The following TBL1XR1 variants were observed in gnomAD, a reference collection of about 807,000 sequenced individuals.
TBL1XR1 encodes the protein TBL1X/Y related 1.
TBL1XR1 carries 5 observed loss-of-function variants against 66.9 expected under a neutral mutation model. The ratio of observed to expected loss-of-function variants is 0.07; its 90% CI spans 0.04 to 0.16. TBL1XR1 has a LOEUF of 0.16. Ranked by LOEUF, TBL1XR1 falls within the 10% of genes least tolerant of loss-of-function variation. TBL1XR1 has a pLI of 1.00. For synonymous variants in TBL1XR1, 210 were observed against 206.0 expected, an observed-to-expected ratio of 1.02 and a Z score of -0.17; for missense variants, 238 against 623.2, an observed-to-expected ratio of 0.38 and a Z score of 6.58.
At chr3:177,091,893 T>A (rs934922724) in intron 2 of TBL1XR1, among the ~76,000 whole-genome samples, 1 of 152,132 alleles carries the variant, frequency 6.6e-6, no homozygotes, top group Non-Finnish European at 1.5e-5. Context: ...ATGTTACACA[T>A]AATAAAAGCT....
chr3:177,031,390 C>A (rs61539434), intron 14 of TBL1XR1, among the ~76,000 whole-genome samples: 150,779 of 150,780 alleles, frequency 1, 75,389 homozygotes, highest in Non-Finnish European at 1. Context: ...GCTGGAGTGC[C>A]GTGGTGTGAT....
intron 2 of TBL1XR1, among the ~76,000 whole-genome samples, chr3:177,081,820 T>C (rs1721436039): frequency 6.6e-6 from 1 of 152,008 alleles, no homozygotes; most frequent in South Asian, 2.1e-4. Context: ...GTATTGTCTT[T>C]AGTCAGTATA....
chr3:177,052,153 A>G (rs1443556144), intron 4 of TBL1XR1, among the ~76,000 whole-genome samples: 1 of 152,244 alleles, frequency 6.6e-6, no homozygotes, highest in Non-Finnish European at 1.5e-5. Context: ...TTTGAGCTGA[A>G]GAGTTTCTTG....
chr3:177,188,247 TA>T (rs530867679), intron 1 of TBL1XR1, among the ~76,000 whole-genome samples: 89 of 151,366 alleles, frequency 5.9e-4, no homozygotes, highest in South Asian at 5.6e-3. Flanking sequence ...TACAATTTCA[TA>T]TAAAAAAGAA....
At chr3:177,178,043 T>G (rs1247331780) in intron 1 of TBL1XR1, among the ~76,000 whole-genome samples, 1 of 152,174 alleles carries the variant, frequency 6.6e-6, no homozygotes, top group African/African-American at 2.4e-5. Context: ...ATCAGCTATA[T>G]AACAATCTCA....
chr3:177,031,815 G>T (rs528553370), intron 14 of TBL1XR1, among the ~76,000 whole-genome samples: 2 of 151,682 alleles, frequency 1.3e-5, no homozygotes, highest in East Asian at 3.9e-4. Flanking sequence ...TGTAATGTAA[G>T]ATTCAGGCTT....
At chr3:177,064,361 CTTCT>C (rs923299872) in intron 3 of TBL1XR1, among the ~76,000 whole-genome samples, 3 of 152,112 alleles carry the variant, frequency 2.0e-5, no homozygotes, top group Non-Finnish European at 2.9e-5. Context: ...TGCAGTATTC[CTTCT>C]GTTTTATCTA....
intron 2 of TBL1XR1, among the ~76,000 whole-genome samples, chr3:177,067,685 A>T (rs1407429364): frequency 6.6e-6 from 1 of 152,166 alleles, no homozygotes; most frequent in East Asian, 1.9e-4. Flanking sequence ...GTGCTATATT[A>T]GTTCCCGGCA....
chr3:177,181,187 A>G (rs1734778942), intron 1 of TBL1XR1, among the ~76,000 whole-genome samples: 1 of 152,058 alleles, frequency 6.6e-6, no homozygotes, highest in Non-Finnish European at 1.5e-5. Context: ...GTCGCAACTC[A>G]TTGTCATTAA....
At chr3:177,083,934 A>G (rs556644425) in intron 2 of TBL1XR1, among the ~76,000 whole-genome samples, 2 of 152,042 alleles carry the variant, frequency 1.3e-5, no homozygotes, top group East Asian at 3.9e-4. Context: ...CTAAAAATAC[A>G]AAAATTAGCT....
At chr3:177,190,904 A>G (rs1346528293) in intron 1 of TBL1XR1, among the ~76,000 whole-genome samples, 1 of 152,206 alleles carries the variant, frequency 6.6e-6, no homozygotes, top group Non-Finnish European at 1.5e-5. Context: ...AGTTGGGGCA[A>G]CAAAACAATA....
chr3:177,113,860 C>T (rs920175045), intron 1 of TBL1XR1, among the ~76,000 whole-genome samples: 15 of 151,980 alleles, frequency 9.9e-5, no homozygotes, highest in Non-Finnish European at 7.4e-5. Context: ...CAAAAGACAA[C>T]AAGTGCTGCT....
rs1313633332 is a variant in TBL1XR1, at chr3:177,024,033, T to C, written c.*1465A>G. 6.6e-6 allele frequency: 1 copy of C among 151,916 alleles called. No homozygotes were observed. Among genetic ancestry groups the C allele is most frequent in the Non-Finnish European group, 1.5e-5 (1 of 67,912 alleles). 9.4% of individuals were successfully genotyped at this position (151,916 alleles called of 1,614,324 possible). The stretch of plus-strand genomic sequence containing the variant: ...TAAGTTGCATGAGCACAAGGTTTAA[T>C]ATCTATATCTTTAAGAAAATACTTG... On this transcript the variant is annotated 3_prime_UTR_variant, in exon 16 of 16. Coordinates refer to ENST00000457928, the MANE Select transcript of TBL1XR1 (RefSeq NM_024665.7).
chr3:177,056,978 T>C (rs534118073), intron 3 of TBL1XR1, among the ~76,000 whole-genome samples: 9 of 152,190 alleles, frequency 5.9e-5, no homozygotes, highest in Non-Finnish European at 1.2e-4. Flanking sequence ...AAACTGAACA[T>C]ATCACTTCTT....
chr3:177,073,899 G>T (rs1720358190), intron 2 of TBL1XR1, among the ~76,000 whole-genome samples: 1 of 152,190 alleles, frequency 6.6e-6, no homozygotes, highest in African/African-American at 2.4e-5. Flanking sequence ...CCAAAGGGTT[G>T]CAATCCCTTT....
chr3:177,031,099 C>T (rs780014944), intron 14 of TBL1XR1, among the ~76,000 whole-genome samples: 3 of 152,012 alleles, frequency 2.0e-5, no homozygotes, highest in East Asian at 1.9e-4. Flanking sequence ...GGCACAAGAG[C>T]GAGACTTCAT....
intron 2 of TBL1XR1, among the ~76,000 whole-genome samples, chr3:177,065,734 T>C (rs1719070254): frequency 6.6e-6 from 1 of 152,226 alleles, no homozygotes; most frequent in South Asian, 2.1e-4. Flanking sequence ...AGGAAACTTT[T>C]ATATAAAGAG....
At chr3:177,165,066 AAC>A (rs1383866442) in intron 1 of TBL1XR1, among the ~76,000 whole-genome samples, 1 of 152,180 alleles carries the variant, frequency 6.6e-6, no homozygotes, top group African/African-American at 2.4e-5. Context: ...GGTTCTAGCT[AAC>A]ACAATAAGAA....
rs147865647 is a variant in TBL1XR1 at position 177,089,363 on chromosome 3, A to C, written c.-46+9103T>G. Among the ~76,000 whole-genome samples the C allele has an allele frequency of 2.0e-5, 3 of 152,252 alleles. No homozygotes were observed. The South Asian group carries it at 6.2e-4, about 32-fold the overall frequency. On this transcript the variant is annotated intron_variant, in intron 2 of 15. Transcript: ENST00000457928. ...GGAGCTGCTGCCCTGCCCTCCGCAA[A>C]GCCTAACTGCCTAACTCCCAGACTA...
Sources: allele counts gnomAD v4.1 joint callset (sites outside exome capture counted in the v4.1 genomes callset), GRCh38; gene constraint gnomAD v4.1.1; transcripts MANE v1.5; gene names NCBI Gene and HGNC (gene_info 2026-07-23, HGNC 2026-07-21).